ATP2B3: variants seen among roughly 807,000 people sequenced by gnomAD.
ATP2B3 encodes plasma membrane calcium-transporting ATPase 3.
Under a neutral mutation model 70.8 loss-of-function variants are expected in ATP2B3, and 12 were observed. That is an observed-to-expected ratio of 0.17 (90% CI 0.11 to 0.27). The LOEUF is 0.27. Among genes scored for constraint, ATP2B3 ranks in the 10% least tolerant of loss-of-function variants. The pLI is 1.00. For missense variants in ATP2B3, 858 were observed against 1,118.5 expected, an observed-to-expected ratio of 0.77 and a Z score of 3.32; for synonymous variants, 460 against 497.8, an observed-to-expected ratio of 0.92 and a Z score of 1.01.
chrX:153,580,331 C>T lies in ATP2B3; in HGVS notation c.*33C>T, dbSNP rs781817159. The T allele has an allele frequency of 1.8e-5, 21 of 1,149,159 alleles. No individual in the cohort carries two copies. In the South Asian group the frequency reaches 3.2e-4, roughly 18 times the overall value. 94.7% of individuals were successfully genotyped at this position (1,149,159 alleles called of 1,213,427 possible). On this transcript the variant is annotated 3_prime_UTR_variant, in exon 22 of 22. Coordinates refer to ENST00000263519, the MANE Select transcript of ATP2B3 (RefSeq NM_001001344.3). Reference sequence around the variant, plus strand: ...TTGTCTCAGCACATGCGCACACGCACACTCGGACTCACACGAAGTCACACG... The same window carrying T: ...TTGTCTCAGCACATGCGCACACGCATACTCGGACTCACACGAAGTCACACG...
chrX:153,550,395 A>G lies in ATP2B3; in HGVS notation c.1823+109A>G. On this transcript the variant is annotated intron_variant, in intron 12 of 21. Transcript: ENST00000263519. ...CACCATTTCAACCACTTTACAGTGTACAGTTGAATGGCATTAAGCACGTTC... is the reference window on the plus strand; with the variant it reads ...CACCATTTCAACCACTTTACAGTGTGCAGTTGAATGGCATTAAGCACGTTC... The G allele has an allele frequency of 4.6e-6, 5 of 1,098,745 alleles. No individual in the cohort carries two copies. The East Asian group carries it at 9.2e-5, about 20-fold the overall frequency. 90.5% of individuals were successfully genotyped at this position (1,098,745 alleles called of 1,213,427 possible).
At chrX:153,537,184 C>T (rs995347404) in intron 3 of ATP2B3, among the ~76,000 whole-genome samples, 3 of 113,453 alleles carry the variant, frequency 2.6e-5, no homozygotes, top group African/African-American at 9.6e-5. Flanking sequence ...TGAGGCCTGC[C>T]CAGCCCTGGT....
chrX:153,544,611 G>T (rs1336270066), intron 7 of ATP2B3, among the ~76,000 whole-genome samples: 1 of 111,534 alleles, frequency 9.0e-6, no homozygotes, highest in Non-Finnish European at 1.9e-5. Context: ...AGACCAGGGG[G>T]CTCCCTGCTC....
intron 13 of ATP2B3, among the ~76,000 whole-genome samples, chrX:153,554,096 G>A (rs192109618): frequency 5.3e-5 from 6 of 113,934 alleles, no homozygotes; most frequent in African/African-American, 1.3e-4. Flanking sequence ...AAGACAGTGC[G>A]TCTAAACGCC....
chrX:153,530,565 G>A (rs1295725104), intron 2 of ATP2B3, among the ~76,000 whole-genome samples: 2 of 112,564 alleles, frequency 1.8e-5, no homozygotes, highest in South Asian at 3.7e-4. Context: ...GTCTTTCTGC[G>A]GCACCCGGCG....
At chrX:153,554,836 G>T (rs1487461655) in intron 13 of ATP2B3, among the ~76,000 whole-genome samples, 1 of 112,405 alleles carries the variant, frequency 8.9e-6, no homozygotes, top group Non-Finnish European at 1.9e-5. Flanking sequence ...CAGGGAGCAG[G>T]GCTGAGCAGG....
In ATP2B3 at chrX:153,556,292, G is replaced by A. The variant is rs781911193; in HGVS notation, c.2239-39G>A. The A allele has an allele frequency of 2.6e-5, 31 of 1,198,309 alleles. No individual in the cohort carries two copies. In the Admixed American group the frequency reaches 3.4e-4, roughly 13 times the overall value. On this transcript the variant is annotated intron_variant, in intron 14 of 21. Transcript: ENST00000263519. Reference sequence around the variant, plus strand: ...CCTCACCCCAGCCCCCTGCGTGCCCGCCTTAGCTCTGCAGCGTCCTTGTGC... The same window carrying A: ...CCTCACCCCAGCCCCCTGCGTGCCCACCTTAGCTCTGCAGCGTCCTTGTGC...
In ATP2B3 at chrX:153,580,881, C is replaced by A. The variant is rs1182187674; in HGVS notation, c.*583C>A. 1 of 113,665 alleles carries A rather than the reference C, an allele frequency of 8.8e-6. No individual in the cohort carries two copies. Among genetic ancestry groups the A allele is most frequent in the Non-Finnish European group, 1.8e-5 (1 of 54,266 alleles). The allele number at this position is 113,665 out of a possible 1,213,427, so 9.4% of individuals were successfully genotyped here. ...CTGCAGCCACAAAGCAACCCGCCCT[C>A]TGCAAAAACTAGGCACATCCGCAGT... On this transcript the variant is annotated 3_prime_UTR_variant, in exon 22 of 22. Coordinates refer to ENST00000263519, the MANE Select transcript of ATP2B3 (RefSeq NM_001001344.3).
At chrX:153,539,897 G>C (rs1373868994) in intron 3 of ATP2B3, among the ~76,000 whole-genome samples, 3 of 112,968 alleles carry the variant, frequency 2.7e-5, no homozygotes, top group African/African-American at 9.6e-5. Flanking sequence ...GGAAGACTGA[G>C]AAGTAAGCGT....
chrX:153,570,178 C>T (rs1215030890), intron 21 of ATP2B3, among the ~76,000 whole-genome samples: 3 of 112,480 alleles, frequency 2.7e-5, no homozygotes, highest in Non-Finnish European at 3.8e-5. Flanking sequence ...GCCGCCTTCC[C>T]GGGGCTGGAG....
chrX:153,541,335 C>A (rs781898650), intron 3 of ATP2B3, 24 bp from the exon 4 acceptor site: 2 of 1,209,990 alleles, frequency 1.7e-6, no homozygotes, highest in Non-Finnish European at 2.2e-6. Flanking sequence ...TCCTCCCCTT[C>A]TGTGCTTCCG....
chrX:153,579,935 C>T (rs1457061590), intron 21 of ATP2B3, 43 bp from the exon 22 acceptor site: 2 of 1,125,758 alleles, frequency 1.8e-6, no homozygotes, highest in Non-Finnish European at 2.4e-6. Context: ...TTCCTCCCTC[C>T]CTGCTCCCAC....
intron 9 of ATP2B3, 143 bp downstream of exon 9, chrX:153,548,142 GC>G: frequency 1.2e-6 from 1 of 857,825 alleles, no homozygotes. Flanking sequence ...AAGGGCACAG[GC>G]CAGGCCGGCA....
At chrX:153,524,436 T>C (rs782095585) in intron 2 of ATP2B3, among the ~76,000 whole-genome samples, 129 of 111,735 alleles carry the variant, frequency 1.2e-3, no homozygotes, top group Non-Finnish European at 1.9e-3. Flanking sequence ...CAATGCGAAA[T>C]GAGGGGGTGA....
At chrX:153,549,813 G>A (rs370558365) in intron 11 of ATP2B3, 74 bp downstream of exon 11, 1 of 1,137,390 alleles carries the variant, frequency 8.8e-7, no homozygotes. Flanking sequence ...GGTGCCAGGT[G>A]AGCTGTTGCA....
intron 21 of ATP2B3, among the ~76,000 whole-genome samples, chrX:153,575,419 G>T (rs1219582161): frequency 1.8e-5 from 2 of 112,654 alleles, no homozygotes; most frequent in Non-Finnish European, 3.8e-5. Flanking sequence ...CTGGTGTGGG[G>T]TGCAGCCACA....
At chrX:153,534,760 A>C (rs1190827906) in intron 2 of ATP2B3, among the ~76,000 whole-genome samples, 1 of 113,211 alleles carries the variant, frequency 8.8e-6, no homozygotes, top group East Asian at 2.8e-4. Flanking sequence ...CTTCATGTGC[A>C]ATGTGTCGCG....
At chrX:153,562,067 G>A in intron 19 of ATP2B3, 68 bp from the exon 20 acceptor site, 5 of 1,023,476 alleles carry the variant, frequency 4.9e-6, no homozygotes, top group Non-Finnish European at 6.9e-6. Flanking sequence ...GGTCTTCAAG[G>A]GGTTGGAGGA....
chrX:153,536,189 G>A lies in ATP2B3; in HGVS notation c.-59G>A, dbSNP rs1283338669. 27 of 1,148,239 alleles carry A rather than the reference G, an allele frequency of 2.4e-5. No homozygotes were observed. The highest frequency in any genetic ancestry group is 2.3e-4 in the East Asian group (7 of 30,675). 94.6% of individuals were successfully genotyped at this position (1,148,239 alleles called of 1,213,427 possible). On this transcript the variant is annotated 5_prime_UTR_variant, in exon 3 of 22. Transcript: ENST00000263519. ...CTGGGCACTGGGACCGTGGGTGGCC[G>A]CCTGTCCCTAGCTGTGGCTGAGCCA...
Sources: allele counts gnomAD v4.1 joint callset (sites outside exome capture counted in the v4.1 genomes callset), GRCh38; gene constraint gnomAD v4.1.1; transcripts MANE v1.5; gene names NCBI Gene and HGNC (gene_info 2026-07-23, HGNC 2026-07-21).